Variants in LCMT1 observed in about 807,000 individuals in gnomAD.
LCMT1 encodes the protein leucine carboxyl methyltransferase 1.
Under a neutral mutation model 47.7 loss-of-function variants are expected in LCMT1, and 32 were observed. The observed-to-expected ratio is 0.67, with a 90% confidence interval of 0.51 to 0.90. LCMT1 has a LOEUF of 0.90. Ranked by LOEUF, LCMT1 falls within the 40% of genes least tolerant of loss-of-function variation. LCMT1 has a pLI of 0.00. For synonymous variants in LCMT1, 152 were observed against 149.7 expected, an observed-to-expected ratio of 1.02 and a Z score of -0.11; for missense variants, 375 against 415.2, an observed-to-expected ratio of 0.90 and a Z score of 0.84.
intron 6 of LCMT1, among the ~76,000 whole-genome samples, chr16:25,163,613 G>A (rs1597600079): frequency 6.6e-6 from 1 of 151,028 alleles, no homozygotes; most frequent in Non-Finnish European, 1.5e-5. Context: ...ACACATTATC[G>A]TGTAAGGAAA....
intron 5 of LCMT1, among the ~76,000 whole-genome samples, chr16:25,155,843 G>C (rs1398496758): frequency 6.6e-6 from 1 of 152,058 alleles, no homozygotes; most frequent in Non-Finnish European, 1.5e-5. Context: ...GCCACACACA[G>C]ATGATTTTAA....
chr16:25,132,520 A>G lies in LCMT1; in HGVS notation c.324A>G (p.Leu108=). The change falls in exon 3 of 11, where the codon TTA becomes TTG. Residue 108 remains leucine (L), a synonymous_variant. Coordinates refer to ENST00000399069, the MANE Select transcript of LCMT1 (RefSeq NM_016309.3). ...GCATGGATACCACCTTCTGGAGATT[A>G]AAGGTATGTTCAAATTCCCCTCCTC... The part of the protein sequence containing the change: ...GAGMDTTFWR[L]KDEDLLPSKY... 1 of 1,613,626 alleles carries G rather than the reference A, an allele frequency of 6.2e-7. No individual in the cohort carries two copies. Among genetic ancestry groups the G allele is most frequent in the South Asian group, 1.1e-5 (1 of 90,988 alleles).
intron 6 of LCMT1, among the ~76,000 whole-genome samples, chr16:25,162,354 C>T (rs1387697639): frequency 7.2e-5 from 11 of 151,728 alleles, no homozygotes; most frequent in Admixed American, 6.6e-5. Context: ...TTTGGGAGGC[C>T]GAGGTGGGCA....
intron 6 of LCMT1, among the ~76,000 whole-genome samples, chr16:25,161,695 T>C (rs1022188574): frequency 6.6e-6 from 1 of 152,210 alleles, no homozygotes; most frequent in African/African-American, 2.4e-5. Context: ...TGTGTTACTT[T>C]GTAAAAATAC....
chr16:25,141,565 C>G (rs1237721669), intron 4 of LCMT1: 1 of 152,138 alleles, frequency 6.6e-6, no homozygotes, highest in East Asian at 1.9e-4. Context: ...CCATGTTGCC[C>G]AGGCTGGTCT....
chr16:25,157,150 T>TTG (rs36066156), intron 5 of LCMT1, among the ~76,000 whole-genome samples: 34,962 of 149,830 alleles, frequency 0.23, 3,987 homozygotes, highest in East Asian at 0.32. Context: ...ACACCAGCAC[T>TTG]TGTGTGTGTG....
At chr16:25,137,782 C>T (rs1330109385) in intron 3 of LCMT1, among the ~76,000 whole-genome samples, 1 of 152,078 alleles carries the variant, frequency 6.6e-6, no homozygotes, top group Non-Finnish European at 1.5e-5. Context: ...CAGCCTGGGT[C>T]CCCTGGGATT....
In LCMT1 at chr16:25,132,649, C is replaced by T. The variant is rs1027859453; in HGVS notation, c.327+126C>T. ...GAAAGCCTGTCTCCCACCCCTGTCC[C>T]ATCTGCCTAGATGCCCCTACGACTC... On this transcript the variant is annotated intron_variant, in intron 3 of 10. Coordinates refer to ENST00000399069, the MANE Select transcript of LCMT1 (RefSeq NM_016309.3). 1.4e-5 allele frequency: 14 copies of T among 1,000,914 alleles called. No homozygotes were observed. In the African/African-American group the frequency reaches 2.3e-4, roughly 16 times the overall value. The allele number at this position is 1,000,914 out of a possible 1,614,324, so 62.0% of individuals were successfully genotyped here.
intron 1 of LCMT1, 133 bp from the exon 2 acceptor site, chr16:25,128,342 T>A: frequency 3.2e-6 from 2 of 620,738 alleles, no homozygotes; most frequent in Admixed American, 5.7e-5. Context: ...GCACTAAATG[T>A]GCACTTGGCC....
chr16:25,133,385 GTTTTTTTTTTTTTTTTT>G (rs1177872054), intron 3 of LCMT1, among the ~76,000 whole-genome samples: 3 of 52,586 alleles, frequency 5.7e-5, no homozygotes, highest in South Asian at 1.1e-3. Flanking sequence ...CTGGGCTTAG[GTTTTTTTTTTTTTTTTT>G]TTTTTTTTTT....
At chr16:25,169,454 T>C in intron 8 of LCMT1, 1 of 378,314 alleles carries the variant, frequency 2.6e-6, no homozygotes, top group Non-Finnish European at 4.9e-6. Context: ...CAAACAAACA[T>C]AAAGGTAGAG....
intron 1 of LCMT1, among the ~76,000 whole-genome samples, chr16:25,121,972 C>T (rs1363025818): frequency 6.6e-6 from 1 of 152,178 alleles, no homozygotes; most frequent in Non-Finnish European, 1.5e-5. Context: ...GGCCACTCTT[C>T]TGTTGTTCAT....
chr16:25,173,640 T>C (rs1271789491), intron 9 of LCMT1, among the ~76,000 whole-genome samples: 1 of 152,222 alleles, frequency 6.6e-6, no homozygotes, highest in African/African-American at 2.4e-5. Context: ...TTTTTTATTT[T>C]ATTCTGTATA....
At chr16:25,127,267 T>G (rs1198286413) in intron 1 of LCMT1, among the ~76,000 whole-genome samples, 2 of 152,244 alleles carry the variant, frequency 1.3e-5, no homozygotes, top group Admixed American at 6.5e-5. Flanking sequence ...GAATTGATTT[T>G]ATTGTATTAA....
chr16:25,136,529 G>A (rs1448796871), intron 3 of LCMT1, among the ~76,000 whole-genome samples: 1 of 151,542 alleles, frequency 6.6e-6, no homozygotes, highest in Non-Finnish European at 1.5e-5. Context: ...TTGTTACATA[G>A]GTACACACAT....
chr16:25,158,369 C>T (rs1293845591), intron 5 of LCMT1, among the ~76,000 whole-genome samples: 3 of 152,238 alleles, frequency 2.0e-5, no homozygotes, highest in African/African-American at 7.2e-5. Context: ...AACTGGCCTT[C>T]AGCAATTCGC....
At chr16:25,135,284 A>AAAAT (rs1555482753) in intron 3 of LCMT1, among the ~76,000 whole-genome samples, 2 of 140,610 alleles carry the variant, frequency 1.4e-5, no homozygotes, top group East Asian at 2.1e-4. Flanking sequence ...TTTCTTTTAA[A>AAAAT]ATATATATCT....
chr16:25,150,349 T>C (rs1451095586), intron 4 of LCMT1, among the ~76,000 whole-genome samples: 3 of 141,104 alleles, frequency 2.1e-5, no homozygotes, highest in East Asian at 2.0e-4. Context: ...TTTTTTTTTT[T>C]TTTTTTTTTT....
At chr16:25,170,078 G>A (rs530408264) in intron 8 of LCMT1, among the ~76,000 whole-genome samples, 1 of 151,944 alleles carries the variant, frequency 6.6e-6, no homozygotes, top group Non-Finnish European at 1.5e-5. Context: ...AAATTAGCCG[G>A]GTGTGGTGGT....
Sources: allele counts gnomAD v4.1 joint callset (sites outside exome capture counted in the v4.1 genomes callset), GRCh38; gene constraint gnomAD v4.1.1; transcripts MANE v1.5; gene names NCBI Gene and HGNC (gene_info 2026-07-23, HGNC 2026-07-21).